BDNF: variants seen among roughly 807,000 people sequenced by gnomAD.
BDNF encodes neurotrophic factor BDNF precursor form.
A neutral mutation model predicts 19.5 loss-of-function variants in BDNF; 1 was observed. That is an observed-to-expected ratio of 0.05 (90% CI 0.02 to 0.24). The LOEUF (loss-of-function observed/expected upper bound fraction) is 0.24. Among genes scored for constraint, BDNF ranks in the 10% least tolerant of loss-of-function variants. The pLI, the probability that BDNF is intolerant of heterozygous loss-of-function variation, is 1.00. For synonymous variants in BDNF, 100 were observed against 121.6 expected, an observed-to-expected ratio of 0.82 and a Z score of 1.17; for missense variants, 195 against 317.6, an observed-to-expected ratio of 0.61 and a Z score of 2.93.
At chr11:27,682,411 A>ATTATTATT (rs57076035) in intron 1 of BDNF, among the ~76,000 whole-genome samples, 9 of 146,234 alleles carry the variant, frequency 6.2e-5, no homozygotes, top group African/African-American at 2.3e-4. Context: ...TTATTATTAT[A>ATTATTATT]ATAATAATAA....
upstream of BDNF, chr11:27,700,684 C>G: frequency 3.5e-6 from 4 of 1,156,756 alleles, no homozygotes; most frequent in Non-Finnish European, 4.3e-6. Flanking sequence ...ACCTCCTCCC[C>G]TAGGGCCCCG....
At chr11:27,701,092 G>T (rs928480449), upstream of BDNF, 3 of 1,317,824 alleles carry the variant, frequency 2.3e-6, no homozygotes, top group Non-Finnish European at 3.0e-6. Flanking sequence ...CAGAGTTCGC[G>T]CACTGACCTC....
Position 27,657,464 on chromosome 11 carries a change from T to TG in BDNF, c.*356_*357insC, listed in dbSNP as rs919188588. On this transcript the variant is annotated 3_prime_UTR_variant, in exon 2 of 2. Coordinates refer to ENST00000356660, the MANE Select transcript of BDNF (RefSeq NM_001709.5). The surrounding 1 kb of genome is among the most constrained non-coding windows in gnomAD (Gnocchi z 5.0). ...CAAATTTTTGTTGTGTGTGTGTGTG[T>TG]TTTTTTTCTGTTTTCTGAAAGAGGA... 93 of 180,682 alleles carry TG rather than the reference T, an allele frequency of 5.1e-4. 1 individual carries two copies. The highest frequency in any genetic ancestry group is 3.7e-4 in the African/African-American group (9 of 24,176). The allele number at this position is 180,682 out of a possible 1,614,324, so 11.2% of individuals were successfully genotyped here. A position where few individuals can be genotyped will look rare whatever the true frequency, so the allele number is the denominator to read the frequency against.
chr11:27,657,491 A>G lies in BDNF; in HGVS notation c.*330T>C. ...TTTTTTCTGTTTTCTGAAAGAGGACAGTTTATTATCAATTCACAATTAAAG... is the reference window on the plus strand; with the variant it reads ...TTTTTTCTGTTTTCTGAAAGAGGACGGTTTATTATCAATTCACAATTAAAG... On this transcript the variant is annotated 3_prime_UTR_variant, in exon 2 of 2. Transcript: ENST00000356660. This position sits in a 1 kb window ranked among gnomAD's most constrained non-coding sequence, Gnocchi z 5.0. The G allele has an allele frequency of 9.3e-7, 1 of 1,071,924 alleles. No homozygotes were observed. The highest frequency in any genetic ancestry group is 1.1e-6 in the Non-Finnish European group (1 of 883,478). The allele number at this position is 1,071,924 out of a possible 1,614,324, so 66.4% of individuals were successfully genotyped here.
At chr11:27,718,357 C>CCCCCT (rs1860604312) in intron 1 of BDNF, among the ~76,000 whole-genome samples, 3 of 143,074 alleles carry the variant, frequency 2.1e-5, no homozygotes, top group Admixed American at 6.9e-5. Flanking sequence ...GCACACCACC[C>CCCCCT]CCCCCCGCCC....
chr11:27,665,539 G>A (rs1854159920), intron 1 of BDNF: 1 of 152,302 alleles, frequency 6.6e-6, no homozygotes, highest in African/African-American at 2.4e-5. Flanking sequence ...ATGACTGACG[G>A]TACCTGGAAA....
intron 1 of BDNF, among the ~76,000 whole-genome samples, chr11:27,685,581 G>T (rs141922274): frequency 1.7e-3 from 259 of 152,264 alleles, no homozygotes; most frequent in Middle Eastern, 0.01. Flanking sequence ...GTGTCCCAGA[G>T]ATTCTGGTAT....
At chr11:27,675,532 A>C (rs569047451) in intron 1 of BDNF, 1 of 152,168 alleles carries the variant, frequency 6.6e-6, no homozygotes, top group Non-Finnish European at 1.5e-5. Context: ...AAGTGTCAAC[A>C]TGCCTTTAAA....
chr11:27,703,799 T>C (rs1418258972), upstream of BDNF, among the ~76,000 whole-genome samples: 1 of 152,170 alleles, frequency 6.6e-6, no homozygotes, highest in Non-Finnish European at 1.5e-5. Flanking sequence ...CTCTTAACAC[T>C]TGTAAGCATT....
upstream of BDNF, chr11:27,701,672 G>A (rs1859905047): frequency 1.1e-6 from 1 of 951,960 alleles, no homozygotes; most frequent in Non-Finnish European, 1.3e-6. Context: ...CTTGACGTGC[G>A]CTGTCATATG....
chr11:27,719,799 C>G (rs1206439135), intron 1 of BDNF: 5 of 246,302 alleles, frequency 2.0e-5, no homozygotes, highest in Non-Finnish European at 3.2e-5. Flanking sequence ...GGGAGGGATA[C>G]AGAGAGAATG....
At chr11:27,696,757 C>G (rs559126108) in intron 1 of BDNF, among the ~76,000 whole-genome samples, 1 of 152,144 alleles carries the variant, frequency 6.6e-6, no homozygotes, top group African/African-American at 2.4e-5. Context: ...GTTGGATAGG[C>G]GAGACCCCTC....
chr11:27,668,393 C>G (rs1854737429), intron 1 of BDNF, among the ~76,000 whole-genome samples: 1 of 151,950 alleles, frequency 6.6e-6, no homozygotes, highest in African/African-American at 2.4e-5. Flanking sequence ...TAGCAGAAGA[C>G]AAGAAATAAC....
chr11:27,660,287 A>C (rs184293959), intron 1 of BDNF: 2 of 1,215,672 alleles, frequency 1.6e-6, no homozygotes, highest in East Asian at 1.2e-4. Flanking sequence ...ACACACAAAA[A>C]AATTTCTTTT....
chr11:27,684,389 T>C (rs1359667140), intron 1 of BDNF, among the ~76,000 whole-genome samples: 3 of 152,224 alleles, frequency 2.0e-5, no homozygotes, highest in Non-Finnish European at 4.4e-5. Flanking sequence ...GAATATGCTT[T>C]ATTTCTTTCT....
intron 1 of BDNF, among the ~76,000 whole-genome samples, chr11:27,688,278 C>T (rs1272937031): frequency 2.6e-5 from 4 of 152,218 alleles, no homozygotes; most frequent in Non-Finnish European, 4.4e-5. Context: ...TGGAGCATCC[C>T]AGGTTGACTT....
At chr11:27,708,242 C>T (rs1260297262) in intron 1 of BDNF, among the ~76,000 whole-genome samples, 1 of 152,182 alleles carries the variant, frequency 6.6e-6, no homozygotes, top group East Asian at 1.9e-4. Context: ...CTGATTTGAA[C>T]TACTATTCCC....
intron 1 of BDNF, among the ~76,000 whole-genome samples, chr11:27,718,357 C>G (rs868484754): frequency 2.1e-5 from 3 of 142,974 alleles, no homozygotes; most frequent in African/African-American, 5.0e-5. Context: ...GCACACCACC[C>G]CCCCCCGCCC....
rs542264442 is a variant in BDNF at position 27,694,913 on chromosome 11, C to G, written c.-22+5251G>C. Among the ~76,000 whole-genome samples the G allele has an allele frequency of 5.3e-5, 8 of 152,204 alleles. No individual in the cohort carries two copies. In the East Asian group the frequency reaches 1.5e-3, roughly 29 times the overall value. On this transcript the variant is annotated intron_variant, in intron 1 of 1. Coordinates refer to ENST00000356660, the MANE Select transcript of BDNF (RefSeq NM_001709.5). Reference sequence around the variant, plus strand: ...CTCAATGGTTCGGTTTGGTACATATCCATGAAAATAATAAATGTTAAAAAG... The same window carrying G: ...CTCAATGGTTCGGTTTGGTACATATGCATGAAAATAATAAATGTTAAAAAG...
Sources: allele counts gnomAD v4.1 joint callset (sites outside exome capture counted in the v4.1 genomes callset), GRCh38; gene constraint gnomAD v4.1.1; non-coding constraint Gnocchi (gnomAD v3.1); transcripts MANE v1.5; gene names NCBI Gene and HGNC (gene_info 2026-07-23, HGNC 2026-07-21).